The following BBS9 variants were observed in gnomAD, a reference collection of about 807,000 sequenced individuals.
BBS9 encodes protein PTHB1.
In BBS9, 89 loss-of-function variants were observed where a neutral mutation model predicts 117.7. The ratio of observed to expected loss-of-function variants is 0.76; its 90% CI spans 0.64 to 0.90. The LOEUF (loss-of-function observed/expected upper bound fraction) is 0.90. Ranked by LOEUF, BBS9 falls within the 40% of genes least tolerant of loss-of-function variation. The pLI is 0.00. For synonymous variants in BBS9, 379 were observed against 370.9 expected (o/e 1.02, Z -0.25); for missense variants, 982 against 1,042.2 (o/e 0.94, Z 0.80).
chr7:33,551,442 A>G, intron 21 of BBS9, among the ~76,000 whole-genome samples: 1 of 149,526 alleles, frequency 6.7e-6, no homozygotes, highest in South Asian at 2.1e-4. Flanking sequence ...TCAAAATAAG[A>G]TAAGACACCA....
rs372233450 is a variant in BBS9, at chr7:33,377,391, G to A, written c.1790-6275G>A. ...TCTGTTGGTCGATTTGTCTGGTTTTGTACCAGTATCATGCTGTTTTGTTTA... is the reference window on the plus strand; with the variant it reads ...TCTGTTGGTCGATTTGTCTGGTTTTATACCAGTATCATGCTGTTTTGTTTA... On this transcript the variant is annotated intron_variant, in intron 17 of 22. Transcript: ENST00000242067. Among the ~76,000 whole-genome samples the A allele has an allele frequency of 1.6e-4, 24 of 152,276 alleles. 1 individual carries two copies. The East Asian group carries it at 3.5e-3, about 22-fold the overall frequency.
At chr7:33,573,726 T>C (rs1018407779) in intron 21 of BBS9, among the ~76,000 whole-genome samples, 5 of 152,184 alleles carry the variant, frequency 3.3e-5, no homozygotes, top group Admixed American at 3.3e-4. Flanking sequence ...TACTGACTGA[T>C]TTGTTCCACC....
At chr7:33,454,585 G>T (rs1455533603) in intron 19 of BBS9, among the ~76,000 whole-genome samples, 1 of 152,252 alleles carries the variant, frequency 6.6e-6, no homozygotes. Flanking sequence ...ACAGGTCACT[G>T]CCAAGAGGAT....
intron 19 of BBS9, among the ~76,000 whole-genome samples, chr7:33,428,619 C>T (rs1396837304): frequency 2.0e-5 from 3 of 152,182 alleles, no homozygotes; most frequent in South Asian, 2.1e-4. Flanking sequence ...TGAAACCCAG[C>T]TGAGGATGGA....
At position 33,366,961 on chromosome 7, in the gene BBS9, G is replaced by A. The variant is rs1000295691; in HGVS notation, c.1694-806G>A. ...TCATGGATGGTAGTATAGACTTTCA[G>A]CAAACAGAGGGCACATAATATTTGT... is the stretch of plus-strand genomic sequence containing the variant. On this transcript the variant is annotated intron_variant, in intron 16 of 22. Coordinates refer to ENST00000242067, the MANE Select transcript of BBS9 (RefSeq NM_198428.3). Among the ~76,000 whole-genome samples, 13 of 152,278 alleles carry A rather than the reference G, an allele frequency of 8.5e-5. No individual in the cohort carries two copies. In the East Asian group the frequency reaches 2.1e-3, roughly 25 times the overall value.
chr7:33,485,824 T>G (rs944807839), intron 19 of BBS9, among the ~76,000 whole-genome samples: 2 of 152,182 alleles, frequency 1.3e-5, no homozygotes, highest in African/African-American at 2.4e-5. Context: ...ATTGGATCAC[T>G]TTAACCAAAT....
At chr7:33,616,491 G>GTATATATATATATATATATA (rs1255562311) in intron 21 of BBS9, among the ~76,000 whole-genome samples, 47 of 138,720 alleles carry the variant, frequency 3.4e-4, no homozygotes, top group East Asian at 2.8e-3. Context: ...GTGTGTGTGT[G>GTATATATATATATATATATA]TGTATATATA....
At chr7:33,372,832 A>G (rs1038203184) in intron 17 of BBS9, among the ~76,000 whole-genome samples, 1 of 151,894 alleles carries the variant, frequency 6.6e-6, no homozygotes, top group African/African-American at 2.4e-5. Flanking sequence ...CAATCTTCTT[A>G]CTCGTTATTG....
intron 5 of BBS9, among the ~76,000 whole-genome samples, chr7:33,200,740 GT>G (rs1172944965): frequency 6.6e-6 from 1 of 152,034 alleles, no homozygotes; most frequent in East Asian, 1.9e-4. Flanking sequence ...ATCTCATTTT[GT>G]TCTGGAGTAA....
intron 21 of BBS9, among the ~76,000 whole-genome samples, chr7:33,562,354 T>C (rs1856219210): frequency 6.6e-6 from 1 of 152,234 alleles, no homozygotes. Context: ...TGCATGTCTG[T>C]AACCTAGGAC....
At chr7:33,561,894 C>T (rs548618934) in intron 21 of BBS9, among the ~76,000 whole-genome samples, 1 of 152,234 alleles carries the variant, frequency 6.6e-6, no homozygotes, top group Non-Finnish European at 1.5e-5. Context: ...TGGCTATGTA[C>T]TTTATGTTAT....
intron 5 of BBS9, among the ~76,000 whole-genome samples, chr7:33,178,091 G>A (rs13225836): frequency 0.15 from 23,265 of 152,160 alleles, 2,002 homozygotes; most frequent in South Asian, 0.21. Context: ...CTACAGGCAG[G>A]ATAAAGCTGC....
intron 21 of BBS9, among the ~76,000 whole-genome samples, chr7:33,624,692 G>A (rs1456545656): frequency 6.6e-6 from 1 of 152,178 alleles, no homozygotes; most frequent in African/African-American, 2.4e-5. Flanking sequence ...GCAGAATATA[G>A]TTGATAAAAG....
In BBS9 at chr7:33,429,508, G is replaced by T. The variant is rs970485149; in HGVS notation, c.2115+41364G>T. Among the ~76,000 whole-genome samples, 3 of 152,172 alleles carry T rather than the reference G, an allele frequency of 2.0e-5. No homozygotes were observed. In the South Asian group the frequency reaches 6.2e-4, roughly 32 times the overall value. ...TTGCCAACATACCACATTTAAGTGT[G>T]GTGATGTTGCAGTATGGCTTGGTGA... On this transcript the variant is annotated intron_variant, in intron 19 of 22. Transcript: ENST00000242067.
At chr7:33,481,894 C>A (rs1328682811) in intron 19 of BBS9, among the ~76,000 whole-genome samples, 1 of 152,098 alleles carries the variant, frequency 6.6e-6, no homozygotes, top group Non-Finnish European at 1.5e-5. Flanking sequence ...GGTTTCAAGC[C>A]AATTGGCATA....
intron 20 of BBS9, among the ~76,000 whole-genome samples, chr7:33,516,299 G>A (rs1399742341): frequency 6.6e-6 from 1 of 151,676 alleles, no homozygotes; most frequent in Non-Finnish European, 1.5e-5. Flanking sequence ...GACCAGCCTG[G>A]CCAAGATGGT....
intron 19 of BBS9, among the ~76,000 whole-genome samples, chr7:33,466,381 G>C (rs1840165282): frequency 7.2e-6 from 1 of 138,198 alleles, no homozygotes; most frequent in Non-Finnish European, 1.5e-5. Flanking sequence ...GCATATATGT[G>C]AGGTCATGCA....
At chr7:33,224,579 C>A (rs1790886051) in intron 5 of BBS9, among the ~76,000 whole-genome samples, 1 of 152,168 alleles carries the variant, frequency 6.6e-6, no homozygotes, top group African/African-American at 2.4e-5. Flanking sequence ...GGTTCTCCCT[C>A]TTTTTTCCTT....
At chr7:33,241,795 T>C (rs1288807194) in intron 5 of BBS9, among the ~76,000 whole-genome samples, 1 of 152,112 alleles carries the variant, frequency 6.6e-6, no homozygotes, top group Non-Finnish European at 1.5e-5. Context: ...AAATTTCGCT[T>C]GGTCATTGAT....
Sources: allele counts gnomAD v4.1 joint callset (sites outside exome capture counted in the v4.1 genomes callset), GRCh38; gene constraint gnomAD v4.1.1; transcripts MANE v1.5; gene names NCBI Gene and HGNC (gene_info 2026-07-23, HGNC 2026-07-21).